The following MAP2K3 variants were observed in gnomAD, a reference collection of about 807,000 sequenced individuals.
MAP2K3 encodes the protein mitogen-activated protein kinase kinase 3.
In MAP2K3, 30 loss-of-function variants were observed where a neutral mutation model predicts 46.4. The ratio of observed to expected loss-of-function variants is 0.65; its 90% CI spans 0.48 to 0.88. The LOEUF (loss-of-function observed/expected upper bound fraction) is 0.88. MAP2K3 is among the 40% of genes least tolerant of loss of function. MAP2K3 has a pLI of 0.00. For missense variants in MAP2K3, 380 were observed against 464.5 expected (o/e 0.82, Z 1.67); for synonymous variants, 189 against 176.3 (o/e 1.07, Z -0.57).
chr17:21,301,231 G>A (rs1396245185), intron 5 of MAP2K3, among the ~76,000 whole-genome samples: 4 of 152,310 alleles, frequency 2.6e-5, no homozygotes, highest in African/African-American at 9.6e-5. Flanking sequence ...TAAACGACAT[G>A]GCCTGGGGCC....
chr17:21,303,576 C>T (rs2144603422), intron 7 of MAP2K3, among the ~76,000 whole-genome samples: 1 of 152,428 alleles, frequency 6.6e-6, no homozygotes, highest in African/African-American at 2.4e-5. Flanking sequence ...ACAATTCTCT[C>T]ACCCCCTCCC....
chr17:21,297,182 C>G (rs527335951), intron 1 of MAP2K3, among the ~76,000 whole-genome samples: 154 of 152,366 alleles, frequency 1.0e-3, no homozygotes, highest in African/African-American at 3.4e-3. Context: ...GGCCCCGGTG[C>G]GTGGCTCTGA....
chr17:21,313,418 G>C (rs1977255029), intron 10 of MAP2K3, 74 bp from the exon 11 acceptor site: 1 of 1,273,306 alleles, frequency 7.9e-7, no homozygotes, highest in African/African-American at 1.5e-5. Context: ...GCAATCCTGG[G>C]GTGGTTTGGC....
At chr17:21,287,353 C>T (rs569546649) in intron 1 of MAP2K3, among the ~76,000 whole-genome samples, 16 of 152,388 alleles carry the variant, frequency 1.0e-4, no homozygotes, top group Non-Finnish European at 2.1e-4. Context: ...GAGGAGTGGC[C>T]GGACTGCCCC....
chr17:21,297,138 C>T (rs1976301263), intron 1 of MAP2K3, among the ~76,000 whole-genome samples: 1 of 152,308 alleles, frequency 6.6e-6, no homozygotes, highest in African/African-American at 2.4e-5. Context: ...CGGTAACCAC[C>T]CTTCGCCCTC....
At chr17:21,309,858 C>G (rs112154030) in intron 9 of MAP2K3, among the ~76,000 whole-genome samples, 5 of 152,230 alleles carry the variant, frequency 3.3e-5, no homozygotes, top group Non-Finnish European at 5.9e-5. Flanking sequence ...CCCACCTTGG[C>G]CTTCCAAAGT....
chr17:21,284,931 C>T lies in MAP2K3; in HGVS notation c.11C>T (p.Pro4Leu), dbSNP rs555847635. 1 of 1,611,984 alleles carries T rather than the reference C, an allele frequency of 6.2e-7. No individual in the cohort carries two copies. The highest frequency in any genetic ancestry group is 8.5e-7 in the Non-Finnish European group (1 of 1,179,648). MES[P>L]ASSQPASMPQ... ...GGACCCACTTGCAGCATGGAGTCGCCCGCCTCGAGCCAGCCCGCCAGCATG... is the reference window on the plus strand; with the variant it reads ...GGACCCACTTGCAGCATGGAGTCGCTCGCCTCGAGCCAGCCCGCCAGCATG... The change falls in exon 1 of 12, where the codon CCC becomes CTC. Residue 4 changes from proline to leucine, a missense_variant. Physicochemically the swap from Pro to Leu is moderately conservative, Grantham distance 98. Coordinates refer to ENST00000342679, the MANE Select transcript of MAP2K3 (RefSeq NM_145109.3).
At chr17:21,301,456 C>T (rs558303766) in intron 5 of MAP2K3, among the ~76,000 whole-genome samples, 4 of 152,424 alleles carry the variant, frequency 2.6e-5, no homozygotes, top group East Asian at 3.9e-4. Flanking sequence ...TCCGCCAAGC[C>T]GGGTGGGTGT....
intron 5 of MAP2K3, 124 bp from the exon 6 acceptor site, chr17:21,302,019 G>C (rs375087020): frequency 1.1e-6 from 1 of 936,748 alleles, no homozygotes; most frequent in Admixed American, 1.9e-5. Context: ...GTGAACTGTG[G>C]CTGAGTGGGT....
chr17:21,298,583 G>T, intron 2 of MAP2K3, 104 bp downstream of exon 2: 1 of 1,571,822 alleles, frequency 6.4e-7, no homozygotes, highest in Non-Finnish European at 8.8e-7. Flanking sequence ...GCTTTACCTC[G>T]TCCTGTCCTG....
At chr17:21,301,938 C>A (rs145410571) in intron 5 of MAP2K3, among the ~76,000 whole-genome samples, 1,857 of 151,308 alleles carry the variant, frequency 0.012, no homozygotes, top group Non-Finnish European at 0.018. Flanking sequence ...GAGGCTGGCG[C>A]CCGAACCTGG....
At chr17:21,308,840 T>G (rs1211079162) in intron 9 of MAP2K3, among the ~76,000 whole-genome samples, 1 of 152,212 alleles carries the variant, frequency 6.6e-6, no homozygotes, top group Non-Finnish European at 1.5e-5. Flanking sequence ...TCCATCATGA[T>G]TGTTGGGGCC....
Position 21,300,734 on chromosome 17 carries a change from T to A in MAP2K3, c.279+76T>A. ...GAGCTCTGCCATGGGGCCCTGCCTA[T>A]CCCTCTCAGTGATCAGTACCGAGGC... is the stretch of plus-strand genomic sequence containing the variant. On this transcript the variant is annotated intron_variant, in intron 4 of 11. Coordinates refer to ENST00000342679, the MANE Select transcript of MAP2K3 (RefSeq NM_145109.3). 5 of 1,600,246 alleles carry A rather than the reference T, an allele frequency of 3.1e-6. No individual in the cohort carries two copies. The South Asian group carries it at 5.6e-5, about 18-fold the overall frequency.
chr17:21,293,439 G>T (rs893091595), intron 1 of MAP2K3, among the ~76,000 whole-genome samples: 11 of 152,300 alleles, frequency 7.2e-5, no homozygotes, highest in African/African-American at 2.7e-4. Flanking sequence ...CATTGGGCGG[G>T]AGGACCCTCT....
chr17:21,300,453 C>T (rs1976528579), intron 3 of MAP2K3, 92 bp from the exon 4 acceptor site: 1 of 1,321,116 alleles, frequency 7.6e-7, no homozygotes, highest in Non-Finnish European at 1.1e-6. Flanking sequence ...ATCAGCTGGT[C>T]CTCTTCATGC....
At chr17:21,292,389 A>ATTT (rs11460376) in intron 1 of MAP2K3, among the ~76,000 whole-genome samples, 190 of 151,626 alleles carry the variant, frequency 1.3e-3, no homozygotes, top group South Asian at 3.5e-3. Flanking sequence ...TCTTCTTCTC[A>ATTT]TTTTTTTTTT....
At chr17:21,294,040 C>G (rs1042235418) in intron 1 of MAP2K3, among the ~76,000 whole-genome samples, 2 of 152,312 alleles carry the variant, frequency 1.3e-5, no homozygotes, top group Non-Finnish European at 2.9e-5. Flanking sequence ...TCTGGCAGGT[C>G]GCAGCCAAAC....
At chr17:21,306,134 C>T (rs916098674) in intron 9 of MAP2K3, among the ~76,000 whole-genome samples, 6 of 152,352 alleles carry the variant, frequency 3.9e-5, no homozygotes, top group African/African-American at 9.6e-5. Flanking sequence ...ACCTGGAGTT[C>T]GCACAGACCC....
At chr17:21,295,240 G>A (rs939116219) in intron 1 of MAP2K3, among the ~76,000 whole-genome samples, 60 of 152,410 alleles carry the variant, frequency 3.9e-4, no homozygotes, top group Non-Finnish European at 5.9e-4. Flanking sequence ...AGGAGATAGG[G>A]CAGAGCTGCC....
Sources: gnomAD v4.1 joint callset for allele counts (sites outside exome capture counted in the v4.1 genomes callset) on GRCh38, gnomAD v4.1.1 for gene constraint, MANE v1.5 for transcripts, NCBI Gene and HGNC (gene_info 2026-07-23, HGNC 2026-07-21) for gene names.